Variants in RGS14 observed in about 807,000 individuals in gnomAD.
RGS14 encodes the protein regulator of G protein signaling 14.
In RGS14, 33 loss-of-function variants were observed where a neutral mutation model predicts 63.8. The observed-to-expected ratio is 0.52, with a 90% CI of 0.39 to 0.69. RGS14 has a LOEUF of 0.69. Among genes scored for constraint, RGS14 ranks in the 30% least tolerant of loss-of-function variants. RGS14 has a pLI of 0.00. For synonymous variants in RGS14, 296 were observed against 320.9 expected (o/e 0.92, Z 0.83); for missense variants, 739 against 742.9 (o/e 0.99, Z 0.06).
rs749001485 is a variant in RGS14 at position 177,371,896 on chromosome 5, G to A, written c.1522G>A (p.Val508Met). Residue 508 changes from valine to methionine, a missense_variant, in exon 15 of 15, where the codon GTG (valine) becomes ATG (methionine). By Grantham distance (21) the Val-to-Met change is conservative (BLOSUM62 1). Coordinates refer to ENST00000408923, the MANE Select transcript of RGS14 (RefSeq NM_006480.5). This position sits in a 1 kb window ranked among gnomAD's most constrained non-coding sequence, Gnocchi z 6.1. The stretch of plus-strand genomic sequence containing the variant: ...AGGCCTGGTGGAGCTGCTGAACCGG[G>A]TGCAGAGCAGCGGGGCCCACGACCA... Reference protein sequence around the residue: ...IEGLVELLNRVQSSGAHDQRG... With the variant: ...IEGLVELLNRMQSSGAHDQRG... 2.5e-6 allele frequency: 4 copies of A among 1,613,608 alleles called. No individual in the cohort carries two copies. Among genetic ancestry groups the A allele is most frequent in the East Asian group, 2.2e-5 (1 of 44,884 alleles).
intron 5 of RGS14, 165 bp from the exon 6 acceptor site, chr5:177,367,249 G>A: frequency 8.9e-7 from 1 of 1,124,828 alleles, no homozygotes; most frequent in Non-Finnish European, 1.2e-6. Context: ...AGCTCGGGGC[G>A]GGCTTGGACC....
At chr5:177,369,734 G>A (rs1363065251) in intron 9 of RGS14, among the ~76,000 whole-genome samples, 1 of 152,260 alleles carries the variant, frequency 6.6e-6, no homozygotes, top group African/African-American at 2.4e-5. Flanking sequence ...TACTTGCGGG[G>A]CATGTTCAGG....
Position 177,371,721 on chromosome 5 carries a change from G to C in RGS14, c.1498+132G>C. On this transcript the variant is annotated intron_variant, in intron 14 of 14. Coordinates refer to ENST00000408923, the MANE Select transcript of RGS14 (RefSeq NM_006480.5). This position sits in a 1 kb window ranked among gnomAD's most constrained non-coding sequence, Gnocchi z 6.1. ...CTGGGCGTGGAACAGGAAGGATGGGGGTTGGGGGGTCAAAGGGGCTGGAAC... is the reference window on the plus strand; with the variant it reads ...CTGGGCGTGGAACAGGAAGGATGGGCGTTGGGGGGTCAAAGGGGCTGGAAC... The C allele has an allele frequency of 8.3e-7, 1 of 1,206,518 alleles. No homozygotes were observed. The highest frequency in any genetic ancestry group is 1.4e-5 in the South Asian group (1 of 71,872). The allele number at this position is 1,206,518 out of a possible 1,614,324, so 74.7% of individuals were successfully genotyped here.
intron 1 of RGS14, among the ~76,000 whole-genome samples, chr5:177,362,067 G>A (rs886425629): frequency 6.6e-6 from 1 of 152,124 alleles, no homozygotes; most frequent in Non-Finnish European, 1.5e-5. Flanking sequence ...TTTCACTCAT[G>A]GGGCCTCATT....
intron 8 of RGS14, 108 bp from the exon 9 acceptor site, chr5:177,368,609 G>A: frequency 9.1e-7 from 1 of 1,100,756 alleles, no homozygotes. Flanking sequence ...CCTGCCTTGG[G>A]AGTGCGTGTG....
chr5:177,366,850 C>T (rs1232990935), intron 4 of RGS14, 41 bp from the exon 5 acceptor site: 10 of 1,613,744 alleles, frequency 6.2e-6, no homozygotes, highest in Non-Finnish European at 8.5e-6. Context: ...GGGAACTGGG[C>T]CACGCTCCCT....
At chr5:177,370,492 A>G in intron 9 of RGS14, 99 bp from the exon 10 acceptor site, 1 of 1,027,974 alleles carries the variant, frequency 9.7e-7, no homozygotes, top group East Asian at 2.4e-5. Context: ...TAGGAAGCCC[A>G]GTGGTGGCCA....
rs2127338678 is a variant in RGS14 at position 177,371,524 on chromosome 5, C to T, written c.1433C>T (p.Ser478Phe). The T allele has an allele frequency of 6.2e-7, 1 of 1,614,086 alleles. No homozygotes were observed. Among genetic ancestry groups the T allele is most frequent in the Non-Finnish European group, 8.5e-7 (1 of 1,179,998 alleles). Reference protein sequence around the residue: ...QDKATHPPPASPSSLVKVPSS... With the variant: ...QDKATHPPPAFPSSLVKVPSS... ...AAGGCCACCCATCCCCCTCCAGCGT[C>T]CCCCAGTTCTCTGGTGAAGGTGCCC... The change falls in exon 14 of 15, where the codon TCC becomes TTC. Residue 478 changes from serine (S) to phenylalanine (F), a missense_variant. Transcript: ENST00000408923. The surrounding 1 kb of genome is among the most constrained non-coding windows in gnomAD (Gnocchi z 6.1).
In RGS14 at chr5:177,367,533, C is replaced by T; in HGVS notation, c.603C>T (p.Leu201=). Residue 201 remains leucine (L), a synonymous_variant, in exon 6 of 15, where the codon CTC becomes CTT. Coordinates refer to ENST00000408923, the MANE Select transcript of RGS14 (RefSeq NM_006480.5). Reference sequence around the variant, plus strand: ...TGCGGGAACCTGGCTCCTCGCGCCTCGGCAGCCCTGACGCCACGAGGAAGG... The same window carrying T: ...TGCGGGAACCTGGCTCCTCGCGCCTTGGCAGCCCTGACGCCACGAGGAAGG... ...RPLREPGSSR[L]GSPDATRKKP... 1 of 1,611,258 alleles carries T rather than the reference C, an allele frequency of 6.2e-7. No homozygotes were observed. The highest frequency in any genetic ancestry group is 8.5e-7 in the Non-Finnish European group (1 of 1,178,848).
Position 177,366,813 on chromosome 5 carries a change from G to A in RGS14, c.339+13G>A. ...CGATACCCAGCAGGTGGGGGAAGGG[G>A]GAGCTGGGGCCGAGGGCTGGGGAGA... is the stretch of plus-strand genomic sequence containing the variant. On this transcript the variant is annotated intron_variant, in intron 4 of 14. Transcript: ENST00000408923. The A allele has an allele frequency of 1.2e-6, 2 of 1,614,146 alleles. No individual in the cohort carries two copies. The highest frequency in any genetic ancestry group is 1.1e-5 in the South Asian group (1 of 91,082).
In RGS14 at chr5:177,367,511, G is replaced by C; in HGVS notation, c.581G>C (p.Arg194Pro). ...GCCGAAGCCGAGGGACGCCCTCTGC[G>C]GGAACCTGGCTCCTCGCGCCTCGGC... ...LLAEAEGRPLREPGSSRLGSP... is the reference protein window; with the variant it reads ...LLAEAEGRPLPEPGSSRLGSP... The change falls in exon 6 of 15, where the codon CGG (arginine) becomes CCG (proline). Residue 194 changes from arginine to proline, a missense_variant. Transcript: ENST00000408923. 1 of 1,612,448 alleles carries C rather than the reference G, an allele frequency of 6.2e-7. No homozygotes were observed. Among genetic ancestry groups the C allele is most frequent in the Non-Finnish European group, 8.5e-7 (1 of 1,179,354 alleles).
chr5:177,358,005 G>A lies in RGS14; in HGVS notation c.-20G>A. 7.4e-7 allele frequency: 1 copy of A among 1,350,202 alleles called. No homozygotes were observed. Among genetic ancestry groups the A allele is most frequent in the South Asian group, 1.8e-5 (1 of 54,440 alleles). The allele number at this position is 1,350,202 out of a possible 1,614,324, so 83.6% of individuals were successfully genotyped here. ...CATGGTGGGCAGCCCCCGCGGCGGG[G>A]ACCCCTGATCGGCAGCGGCATGCCA... On this transcript the variant is annotated 5_prime_UTR_variant, in exon 1 of 15. Transcript: ENST00000408923. This position sits in a 1 kb window ranked among gnomAD's most constrained non-coding sequence, Gnocchi z 4.8.
At chr5:177,368,690 A>C in intron 8 of RGS14, 27 bp from the exon 9 acceptor site, 1 of 1,611,670 alleles carries the variant, frequency 6.2e-7, no homozygotes, top group Non-Finnish European at 8.5e-7. Flanking sequence ...TGTACACATA[A>C]TCTCCCCCAC....
intron 3 of RGS14, 119 bp from the exon 4 acceptor site, chr5:177,366,589 C>A: frequency 1.1e-6 from 1 of 931,168 alleles, no homozygotes; most frequent in African/African-American, 1.9e-5. Context: ...TCTGTCTGGC[C>A]CTGTCTGTCT....
chr5:177,368,199 A>G lies in RGS14; in HGVS notation c.782A>G (p.Gln261Arg), dbSNP rs200287317. ...AACGCCGCCTTGCGCCGAGAGTCTCAGGGCTCCCTCAACTCCTCCGCCAGC... is the reference window on the plus strand; with the variant it reads ...AACGCCGCCTTGCGCCGAGAGTCTCGGGGCTCCCTCAACTCCTCCGCCAGC... ...TANAALRRES[Q>R]GSLNSSASLD... The change falls in exon 8 of 15, where the codon CAG (glutamine) becomes CGG (arginine). Residue 261 changes from glutamine to arginine, a missense_variant. Gln to Arg is a conservative substitution (Grantham distance 43). Transcript: ENST00000408923. 1.4e-4 allele frequency: 229 copies of G among 1,613,986 alleles called. No homozygotes were observed. In the East Asian group the frequency reaches 5.0e-3, roughly 35 times the overall value.
rs532941542 is a variant in RGS14, at chr5:177,367,890, C to T, written c.739+65C>T. 19 of 1,474,020 alleles carry T rather than the reference C, an allele frequency of 1.3e-5. No homozygotes were observed. The East Asian group carries it at 1.7e-4, about 13-fold the overall frequency. The allele number at this position is 1,474,020 out of a possible 1,614,324, so 91.3% of individuals were successfully genotyped here. A position where few individuals can be genotyped will look rare whatever the true frequency, so the allele number is the denominator to read the frequency against. ...GGAGTTTGGTTAAATTTGGGGAGTG[C>T]CCCCTTCCTCCTACGTGGCCCACAG... On this transcript the variant is annotated intron_variant, in intron 7 of 14. Coordinates refer to ENST00000408923, the MANE Select transcript of RGS14 (RefSeq NM_006480.5).
chr5:177,371,098 C>T lies in RGS14; in HGVS notation c.1254+67C>T. On this transcript the variant is annotated intron_variant, in intron 11 of 14. Transcript: ENST00000408923. The surrounding 1 kb of genome is among the most constrained non-coding windows in gnomAD (Gnocchi z 6.1). ...CCGGGGCCGGGGCCGGGGCCGGGGCCGGGGCCGGGGCCGGGGCCGGGGCCG... is the reference window on the plus strand; with the variant it reads ...CCGGGGCCGGGGCCGGGGCCGGGGCTGGGGCCGGGGCCGGGGCCGGGGCCG... The T allele has an allele frequency of 2.4e-6, 2 of 842,100 alleles. No homozygotes were observed. The highest frequency in any genetic ancestry group is 1.5e-6 in the Non-Finnish European group (1 of 666,420). 52.2% of individuals were successfully genotyped at this position (842,100 alleles called of 1,614,324 possible). A position where few individuals can be genotyped will look rare whatever the true frequency, so the allele number is the denominator to read the frequency against.
rs760401950 is a variant in RGS14, at chr5:177,371,843, G to C, written c.1499-30G>C. 1.2e-5 allele frequency: 20 copies of C among 1,600,960 alleles called. No individual in the cohort carries two copies. The highest frequency in any genetic ancestry group is 1.6e-5 in the Non-Finnish European group (19 of 1,172,708). On this transcript the variant is annotated intron_variant, in intron 14 of 14. Transcript: ENST00000408923. The surrounding 1 kb of genome is among the most constrained non-coding windows in gnomAD (Gnocchi z 6.1). ...GCTGGCATATAGGCAGGTCTGCTGGGGGGACCCTCATGCTGTGGCTTGCCT... is the reference window on the plus strand; with the variant it reads ...GCTGGCATATAGGCAGGTCTGCTGGCGGGACCCTCATGCTGTGGCTTGCCT...
In RGS14 at chr5:177,372,131, T is replaced by TG. The variant is rs1762288099; in HGVS notation, c.*59dup. ...GGCACCCGGCGGGCCGAGCATGCCA[T>TG]GGGTCCGCTCTGCATGCCCTGTCTG... On this transcript the variant is annotated 3_prime_UTR_variant, in exon 15 of 15. Coordinates refer to ENST00000408923, the MANE Select transcript of RGS14 (RefSeq NM_006480.5). The TG allele has an allele frequency of 6.6e-7, 1 of 1,517,646 alleles. No homozygotes were observed. The highest frequency in any genetic ancestry group is 1.4e-5 in the African/African-American group (1 of 73,124). 94.0% of individuals were successfully genotyped at this position (1,517,646 alleles called of 1,614,324 possible).
Sources: allele counts gnomAD v4.1 joint callset (sites outside exome capture counted in the v4.1 genomes callset), GRCh38; gene constraint gnomAD v4.1.1; non-coding constraint Gnocchi (gnomAD v3.1); transcripts MANE v1.5; gene names NCBI Gene and HGNC (gene_info 2026-07-23, HGNC 2026-07-21).